Variants in FRMD3 observed in about 807,000 individuals in gnomAD.
FRMD3 encodes FERM domain containing 3, also known as FERM domain-containing protein 3.
In FRMD3, 33 loss-of-function variants were observed where a neutral mutation model predicts 70.2. The observed-to-expected ratio is 0.47, with a 90% CI of 0.36 to 0.63. The LOEUF (loss-of-function observed/expected upper bound fraction) is 0.63. FRMD3 is among the 20% of genes least tolerant of loss of function. The pLI, the probability that FRMD3 is intolerant of heterozygous loss-of-function variation, is 0.00. For synonymous variants in FRMD3, 279 were observed against 255.9 expected, an observed-to-expected ratio of 1.09 and a Z score of -0.86; for missense variants, 632 against 711.4, an observed-to-expected ratio of 0.89 and a Z score of 1.27.
chr9:83,584,347 A>G, the FRMD3 span, among the ~76,000 whole-genome samples: 9 of 150,444 alleles, frequency 6.0e-5, no homozygotes, highest in African/African-American at 2.0e-4. Flanking sequence ...GAGTCTCTTA[A>G]CCTCCCCCGA....
rs755502075 is a variant in FRMD3 at position 83,247,971 on chromosome 9, C to T, written c.1741G>A (p.Glu581Lys). The T allele has an allele frequency of 6.2e-7, 1 of 1,614,194 alleles. No homozygotes were observed. Among genetic ancestry groups the T allele is most frequent in the South Asian group, 1.1e-5 (1 of 91,088 alleles). The change falls in exon 14 of 14, where the codon GAG becomes AAG. Residue 581 changes from glutamate (E) to lysine (K), a missense_variant. This residue lies in a region of FRMD3 where 418 missense variants were observed against 442.1 expected (regional missense o/e 0.95). Coordinates refer to ENST00000304195, the MANE Select transcript of FRMD3 (RefSeq NM_174938.6). The stretch of plus-strand genomic sequence containing the variant: ...AGGTGGACTTTCCCAGCCACCCACT[C>T]CTTGAGGGGACAGTAGTATTCATAG... ...FHYEYYCPLK[E>K]WVAGKVHLIL...
chr9:83,408,417 C>T (rs1436201420), intron 1 of FRMD3, among the ~76,000 whole-genome samples: 1 of 152,120 alleles, frequency 6.6e-6, no homozygotes, highest in Non-Finnish European at 1.5e-5. Context: ...CCTAAGAACC[C>T]CCACTGGGCC....
intron 1 of FRMD3, among the ~76,000 whole-genome samples, chr9:83,492,763 G>T (rs1828858051): frequency 6.6e-6 from 1 of 152,278 alleles, no homozygotes; most frequent in Non-Finnish European, 1.5e-5. Context: ...ATTTGCATGG[G>T]TCTCCTGGCC....
chr9:83,574,048 A>C, the FRMD3 span, among the ~76,000 whole-genome samples: 1 of 152,044 alleles, frequency 6.6e-6, no homozygotes, highest in African/African-American at 2.4e-5. Flanking sequence ...ACATATATAC[A>C]CCCTCTTCCG....
the FRMD3 span, among the ~76,000 whole-genome samples, chr9:83,544,060 A>T: frequency 6.6e-6 from 1 of 152,154 alleles, no homozygotes; most frequent in African/African-American, 2.4e-5. Context: ...CCACCTCTGT[A>T]CAGACAGTGG....
chr9:83,337,846 C>A (rs1214819696), intron 5 of FRMD3, among the ~76,000 whole-genome samples: 2 of 152,054 alleles, frequency 1.3e-5, no homozygotes, highest in African/African-American at 2.4e-5. Context: ...TATACCACAG[C>A]GAGGGAAGAC....
intron 6 of FRMD3, among the ~76,000 whole-genome samples, chr9:83,321,477 G>T (rs1835798896): frequency 6.6e-6 from 1 of 152,072 alleles, no homozygotes; most frequent in Non-Finnish European, 1.5e-5. Flanking sequence ...TATATGTATT[G>T]TACAGTTTCA....
chr9:83,384,190 A>G (rs1470644019), intron 2 of FRMD3, among the ~76,000 whole-genome samples: 2 of 152,206 alleles, frequency 1.3e-5, no homozygotes, highest in Non-Finnish European at 2.9e-5. Flanking sequence ...TGAAACGTAA[A>G]CAAAAGAGGA....
In FRMD3 at chr9:83,330,893, A is replaced by G. The variant is rs151213477; in HGVS notation, c.596+4623T>C. 2.9e-3 allele frequency among the ~76,000 whole-genome samples: 443 copies of G among 152,328 alleles called. 2 individuals are homozygous for G. The highest frequency in any genetic ancestry group is 0.01 in the African/African-American group (430 of 41,580). On this transcript the variant is annotated intron_variant, in intron 6 of 13. Coordinates refer to ENST00000304195, the MANE Select transcript of FRMD3 (RefSeq NM_174938.6). ...AAGGCCCAAAGATGCCTGTATAAAA[A>G]TCTTTCTAAATGCAACTCTATTAGC...
At chr9:83,283,530 C>CAAAAAA (rs765093024) in intron 13 of FRMD3, among the ~76,000 whole-genome samples, 3 of 132,254 alleles carry the variant, frequency 2.3e-5, no homozygotes, top group African/African-American at 8.6e-5. Flanking sequence ...GAATCCATCT[C>CAAAAAA]AAAAAAAAAA....
chr9:83,550,591 TC>T, the FRMD3 span, among the ~76,000 whole-genome samples: 1 of 152,156 alleles, frequency 6.6e-6, no homozygotes, highest in Non-Finnish European at 1.5e-5. Flanking sequence ...GGGATGTTTT[TC>T]CACTTGTTTG....
At chr9:83,552,061 T>C in the FRMD3 span, among the ~76,000 whole-genome samples, 1 of 152,186 alleles carries the variant, frequency 6.6e-6, no homozygotes, top group African/African-American at 2.4e-5. Context: ...AGTTGTGAGG[T>C]TAGGTTATTA....
chr9:83,257,938 A>G (rs772527424), intron 13 of FRMD3, among the ~76,000 whole-genome samples: 2 of 151,982 alleles, frequency 1.3e-5, no homozygotes, highest in Non-Finnish European at 2.9e-5. Flanking sequence ...ATGTTAACTA[A>G]TATTACCTTT....
rs114433582 is a variant in FRMD3, at chr9:83,401,342, T to C, written c.148-11634A>G. On this transcript the variant is annotated intron_variant, in intron 1 of 13. Transcript: ENST00000304195. ...AGTACAATGTTCAGATTTTTAAAAG[T>C]AGAATCACAGAATGTTGGAGTTGGA... Among the ~76,000 whole-genome samples, 614 of 152,316 alleles carry C rather than the reference T, an allele frequency of 4.0e-3. 3 individuals carry two copies. Among genetic ancestry groups the C allele is most frequent in the African/African-American group, 0.014 (582 of 41,570 alleles).
intron 6 of FRMD3, among the ~76,000 whole-genome samples, chr9:83,324,004 CTCTG>C (rs1171577817): frequency 6.6e-6 from 1 of 152,200 alleles, no homozygotes; most frequent in East Asian, 1.9e-4. Context: ...GCCATAGTAA[CTCTG>C]TCTGCAATAG....
At chr9:83,260,324 C>T (rs1202575330) in intron 13 of FRMD3, among the ~76,000 whole-genome samples, 2 of 152,136 alleles carry the variant, frequency 1.3e-5, no homozygotes, top group African/African-American at 2.4e-5. Context: ...TGTATCCATG[C>T]CTGTCTGATT....
intron 1 of FRMD3, among the ~76,000 whole-genome samples, chr9:83,450,482 A>G (rs974987196): frequency 2.0e-5 from 3 of 151,552 alleles, no homozygotes; most frequent in African/African-American, 7.3e-5. Flanking sequence ...AGCATTAGGT[A>G]TATCTCCCAC....
At chr9:83,511,756 C>T (rs1829344056) in intron 1 of FRMD3, among the ~76,000 whole-genome samples, 1 of 152,194 alleles carries the variant, frequency 6.6e-6, no homozygotes, top group African/African-American at 2.4e-5. Flanking sequence ...TTCACAACTG[C>T]TCAAAATACC....
chr9:83,278,708 G>A (rs1397621465), intron 13 of FRMD3, among the ~76,000 whole-genome samples: 3 of 152,158 alleles, frequency 2.0e-5, no homozygotes, highest in Non-Finnish European at 2.9e-5. Flanking sequence ...CACGTCCCCA[G>A]CCACAGGGTC....
Sources: allele counts gnomAD v4.1 joint callset (sites outside exome capture counted in the v4.1 genomes callset), GRCh38; gene constraint gnomAD v4.1.1; regional missense constraint gnomAD v4.1.1; transcripts MANE v1.5; gene names NCBI Gene and HGNC (gene_info 2026-07-23, HGNC 2026-07-21).